NAA35: variants seen among roughly 807,000 people sequenced by gnomAD.
NAA35 encodes the protein MAK10 homolog, amino-acid N-acetyltransferase subunit.
NAA35 carries 18 observed loss-of-function variants against 101.7 expected under a neutral mutation model. The observed-to-expected ratio is 0.18, with a 90% CI of 0.12 to 0.26. NAA35 has a LOEUF of 0.26. NAA35 is among the 10% of genes least tolerant of loss of function. The probability of loss-of-function intolerance (pLI) is 1.00; values close to 1 mark genes in which losing one functional copy is unlikely to be tolerated. For missense variants in NAA35, 601 were observed against 886.8 expected, an observed-to-expected ratio of 0.68 and a Z score of 4.09; for synonymous variants, 267 against 273.1, an observed-to-expected ratio of 0.98 and a Z score of 0.22.
intron 21 of NAA35, among the ~76,000 whole-genome samples, chr9:86,020,344 A>G (rs566362650): frequency 5.3e-5 from 8 of 152,304 alleles, no homozygotes; most frequent in Non-Finnish European, 8.8e-5. Context: ...CTGTGCTCCT[A>G]ATACTATGCT....
At chr9:85,941,469 C>G in intron 1 of NAA35, 196 bp downstream of exon 1, 4 of 985,376 alleles carry the variant, frequency 4.1e-6, no homozygotes, top group Admixed American at 6.1e-5. Flanking sequence ...CCGGTGTTGC[C>G]GAGGCGACGA....
At chr9:85,969,286 A>G (rs2117970059) in intron 6 of NAA35, among the ~76,000 whole-genome samples, 1 of 150,816 alleles carries the variant, frequency 6.6e-6, no homozygotes, top group East Asian at 1.9e-4. Context: ...AAAAAAAAAA[A>G]AAAGTCTTCC....
chr9:85,975,503 G>A (rs1159375698), intron 8 of NAA35, among the ~76,000 whole-genome samples: 3 of 151,936 alleles, frequency 2.0e-5, no homozygotes, highest in South Asian at 2.1e-4. Flanking sequence ...ACCTGTTCAT[G>A]TCCTTCTGTA....
At chr9:86,015,756 T>C (rs912513883) in intron 17 of NAA35, 21 of 966,474 alleles carry the variant, frequency 2.2e-5, no homozygotes, top group Non-Finnish European at 3.7e-6. Flanking sequence ...GCATCTTAGT[T>C]GTCCCCTTCA....
intron 11 of NAA35, among the ~76,000 whole-genome samples, chr9:85,993,746 C>T (rs569334647): frequency 4.7e-5 from 7 of 149,400 alleles, no homozygotes; most frequent in East Asian, 2.0e-4. Context: ...AGAGATAAAC[C>T]GGGGATCACA....
At chr9:85,985,207 A>G (rs1830596752) in intron 11 of NAA35, among the ~76,000 whole-genome samples, 1 of 152,220 alleles carries the variant, frequency 6.6e-6, no homozygotes, top group Non-Finnish European at 1.5e-5. Flanking sequence ...TGGAATATAA[A>G]ATGATACAGC....
intron 12 of NAA35, among the ~76,000 whole-genome samples, chr9:85,999,005 T>G (rs1564316577): frequency 6.6e-6 from 1 of 152,238 alleles, no homozygotes; most frequent in Non-Finnish European, 1.5e-5. Context: ...TGTTCTTTAT[T>G]TTTCCTTCTA....
At chr9:85,955,327 C>CATATATATATATAT (rs1173706353) in intron 2 of NAA35, among the ~76,000 whole-genome samples, 1 of 82,864 alleles carries the variant, frequency 1.2e-5, no homozygotes, top group African/African-American at 5.0e-5. Context: ...CATCTATATA[C>CATATATATATATAT]ATATATATAT....
chr9:85,953,830 A>G (rs537672828), intron 2 of NAA35, among the ~76,000 whole-genome samples: 2 of 152,280 alleles, frequency 1.3e-5, no homozygotes, highest in Admixed American at 1.3e-4. Context: ...TAATGTCCTC[A>G]AGGTTAATCT....
chr9:85,956,986 G>A (rs921130490), intron 3 of NAA35, among the ~76,000 whole-genome samples: 3 of 152,096 alleles, frequency 2.0e-5, no homozygotes, highest in Non-Finnish European at 2.9e-5. Flanking sequence ...GAGAGAACCC[G>A]AGGAAGTCAG....
intron 2 of NAA35, among the ~76,000 whole-genome samples, chr9:85,942,884 T>C (rs1486321101): frequency 1.3e-5 from 2 of 152,208 alleles, no homozygotes; most frequent in Non-Finnish European, 2.9e-5. Context: ...ACACAATTCT[T>C]CTTAAGTGTT....
At chr9:85,970,064 A>G (rs953342809) in intron 6 of NAA35, among the ~76,000 whole-genome samples, 3 of 152,104 alleles carry the variant, frequency 2.0e-5, no homozygotes, top group African/African-American at 7.2e-5. Context: ...CATCCTCAAA[A>G]TACATTCTTT....
intron 6 of NAA35, among the ~76,000 whole-genome samples, chr9:85,962,699 AT>A (rs973819563): frequency 2.6e-5 from 4 of 152,158 alleles, no homozygotes; most frequent in Non-Finnish European, 5.9e-5. Context: ...TCATCTTAGC[AT>A]ATGTTCTTTC....
chr9:86,023,217 T>G lies in NAA35; in HGVS notation c.*1257T>G, dbSNP rs889600043. On this transcript the variant is annotated 3_prime_UTR_variant, in exon 23 of 23. Coordinates refer to ENST00000361671, the MANE Select transcript of NAA35 (RefSeq NM_024635.4). ...ATTCAAGAACAGCCATTAGGTGTCC[T>G]GAAATTTCAGAACCGAAAAATCTTA... Among the ~76,000 whole-genome samples, 1 of 152,188 alleles carries G rather than the reference T, an allele frequency of 6.6e-6. No homozygotes were observed.
intron 1 of NAA35, chr9:85,941,614 C>A: frequency 2.0e-6 from 2 of 986,146 alleles, no homozygotes; most frequent in Non-Finnish European, 1.2e-6. Context: ...AGGTGTGCCT[C>A]GGCCCTAGGC....
chr9:85,948,493 ATCT>A (rs754199655), intron 2 of NAA35, among the ~76,000 whole-genome samples: 16 of 152,106 alleles, frequency 1.1e-4, no homozygotes, highest in South Asian at 6.2e-4. Flanking sequence ...TCATTTTGAG[ATCT>A]TCTTTCTTCA....
At chr9:86,001,349 T>G (rs1384846794) in intron 12 of NAA35, among the ~76,000 whole-genome samples, 1 of 152,176 alleles carries the variant, frequency 6.6e-6, no homozygotes, top group Non-Finnish European at 1.5e-5. Flanking sequence ...ATGAGAAGGT[T>G]GTATATTCTG....
At chr9:85,946,741 A>G (rs1828781283) in intron 2 of NAA35, among the ~76,000 whole-genome samples, 1 of 151,898 alleles carries the variant, frequency 6.6e-6, no homozygotes, top group African/African-American at 2.4e-5. Context: ...GCATAAGACA[A>G]TTATTCTTTC....
chr9:85,961,919 G>C (rs1829531104), intron 5 of NAA35, 94 bp from the exon 6 acceptor site: 1 of 889,974 alleles, frequency 1.1e-6, no homozygotes, highest in Middle Eastern at 3.1e-4. Flanking sequence ...TCTTATTTGG[G>C]TCTATGGTGC....
Sources: allele counts gnomAD v4.1 joint callset (sites outside exome capture counted in the v4.1 genomes callset), GRCh38; gene constraint gnomAD v4.1.1; transcripts MANE v1.5; gene names NCBI Gene and HGNC (gene_info 2026-07-23, HGNC 2026-07-21).